CELSR1: variants seen among roughly 807,000 people sequenced by gnomAD.
The protein encoded by CELSR1 is adhesion G protein-coupled receptor C1.
CELSR1 carries 110 observed loss-of-function variants against 249.1 expected under a neutral mutation model. The ratio of observed to expected loss-of-function variants is 0.44; its 90% CI spans 0.38 to 0.52. CELSR1 has a LOEUF of 0.52. Ranked by LOEUF, CELSR1 falls within the 20% of genes least tolerant of loss-of-function variation. The pLI is 0.00. For missense variants in CELSR1, 4,109 were observed against 4,296.4 expected (o/e 0.96, Z 1.22); for synonymous variants, 2,113 against 1,900.0 (o/e 1.11, Z -2.92).
chr22:46,483,198 G>A (rs1194724933), intron 1 of CELSR1, among the ~76,000 whole-genome samples: 3 of 152,086 alleles, frequency 2.0e-5, no homozygotes, highest in South Asian at 2.1e-4. Context: ...ACACACTATC[G>A]TAAAGGGGAA....
At chr22:46,439,096 A>ATCAACG in intron 3 of CELSR1, 93 bp downstream of exon 3, 1 of 1,224,394 alleles carries the variant, frequency 8.2e-7, no homozygotes, top group Non-Finnish European at 1.2e-6. Context: ...CACGGAGGAC[A>ATCAACG]TCAACGTCAC....
chr22:46,515,775 G>A (rs1294310853), intron 1 of CELSR1, among the ~76,000 whole-genome samples: 5 of 152,174 alleles, frequency 3.3e-5, no homozygotes, highest in Admixed American at 2.0e-4. Flanking sequence ...AGGCAGCCCC[G>A]GCAGGAGGAT....
chr22:46,367,495 G>A (rs760686662), intron 28 of CELSR1, among the ~76,000 whole-genome samples: 29 of 152,328 alleles, frequency 1.9e-4, no homozygotes, highest in Non-Finnish European at 2.6e-4. Flanking sequence ...GGAGACACAA[G>A]TGGACTTGTG....
intron 1 of CELSR1, among the ~76,000 whole-genome samples, chr22:46,465,903 C>T (rs1215643025): frequency 6.6e-6 from 1 of 152,250 alleles, no homozygotes; most frequent in Non-Finnish European, 1.5e-5. Context: ...AGTAACGACA[C>T]TCGGGTCATG....
chr22:46,501,371 A>G (rs1182038512), intron 1 of CELSR1, among the ~76,000 whole-genome samples: 1 of 151,890 alleles, frequency 6.6e-6, no homozygotes, highest in East Asian at 1.9e-4. Flanking sequence ...ACGCCGGGCT[A>G]ATTTTTGTAT....
intron 1 of CELSR1, among the ~76,000 whole-genome samples, chr22:46,530,062 C>G (rs2074163210): frequency 1.3e-5 from 2 of 151,892 alleles, no homozygotes; most frequent in Admixed American, 6.6e-5. Flanking sequence ...ATAATTTCAG[C>G]ACTTTGGGAG....
In CELSR1 at chr22:46,374,772, A is replaced by T. The variant is rs530903060; in HGVS notation, c.7585-1715T>A. ...CGCACACTTCTCAGAGCCTTCCCAGACCAATGCGCGGATGAGAACGTGCCC... is the reference window on the plus strand; with the variant it reads ...CGCACACTTCTCAGAGCCTTCCCAGTCCAATGCGCGGATGAGAACGTGCCC... On this transcript the variant is annotated intron_variant, in intron 24 of 34. Transcript: ENST00000674500. The surrounding 1 kb of genome is among the most constrained non-coding windows in gnomAD (Gnocchi z 4.3). 2.0e-5 allele frequency among the ~76,000 whole-genome samples: 3 copies of T among 152,202 alleles called. No individual in the cohort carries two copies. The highest frequency in any genetic ancestry group is 4.1e-4 in the South Asian group (2 of 4,820).
chr22:46,512,259 G>A lies in CELSR1; in HGVS notation c.3544+21368C>T, dbSNP rs1185535928. Among the ~76,000 whole-genome samples, 1 of 150,032 alleles carries A rather than the reference G, an allele frequency of 6.7e-6. No homozygotes were observed. The highest frequency in any genetic ancestry group is 6.6e-5 in the Admixed American group (1 of 15,196). ...GACCAAGAAGCACTCAGGGACTGAG[G>A]TGTCAGCCCCCAAATCAAGGTCCAA... On this transcript the variant is annotated intron_variant, in intron 1 of 34. Transcript: ENST00000674500. This position sits in a 1 kb window ranked among gnomAD's most constrained non-coding sequence, Gnocchi z 5.2.
In CELSR1 at chr22:46,408,365, C is replaced by T. The variant is rs923825928; in HGVS notation, c.5226+631G>A. 1.3e-5 allele frequency among the ~76,000 whole-genome samples: 2 copies of T among 152,276 alleles called. No homozygotes were observed. Among genetic ancestry groups the T allele is most frequent in the Admixed American group, 1.3e-4 (2 of 15,302 alleles). On this transcript the variant is annotated intron_variant, in intron 9 of 34. Transcript: ENST00000674500. This position sits in a 1 kb window ranked among gnomAD's most constrained non-coding sequence, Gnocchi z 4.6. ...TGGCTTTTTGAGATGGAGTCTCTGT[C>T]TTGTCGTCCAGACTGGAGTGTGGTG...
chr22:46,422,724 G>A (rs557598134), intron 5 of CELSR1, among the ~76,000 whole-genome samples: 6 of 146,996 alleles, frequency 4.1e-5, no homozygotes, highest in South Asian at 4.2e-4. Flanking sequence ...CTGAGATCAC[G>A]CCACTGCACT....
chr22:46,404,149 C>G (rs888163867), intron 9 of CELSR1, among the ~76,000 whole-genome samples: 1 of 152,088 alleles, frequency 6.6e-6, no homozygotes, highest in African/African-American at 2.4e-5. Context: ...CGGTGGCTCA[C>G]ACCTGAAATA....
Position 46,381,883 on chromosome 22 carries a change from G to T in CELSR1, c.7051C>A (p.Leu2351Met). 6.4e-7 allele frequency: 1 copy of T among 1,573,958 alleles called. No homozygotes were observed. Residue 2351 changes from leucine to methionine, a missense_variant, in exon 21 of 35, where the codon CTG (leucine) becomes ATG (methionine). Coordinates refer to ENST00000674500, the MANE Select transcript of CELSR1 (RefSeq NM_001378328.1). This position sits in a 1 kb window ranked among gnomAD's most constrained non-coding sequence, Gnocchi z 6.0. The part of the protein sequence containing the change: ...VIIYRTLGQL[L>M]PERYDPDRRS... Reference sequence around the variant, plus strand: ...CGGTCGGGGTCGTAGCGCTCGGGCAGGAGCTGCCCCAGGGTGCGGTAAATG... The same window carrying T: ...CGGTCGGGGTCGTAGCGCTCGGGCATGAGCTGCCCCAGGGTGCGGTAAATG...
rs867941122 is a variant in CELSR1 at position 46,453,660 on chromosome 22, G to A, written c.4183+10047C>T. Among the ~76,000 whole-genome samples the A allele has an allele frequency of 1.2e-4, 19 of 152,318 alleles. No homozygotes were observed. The Middle Eastern group carries it at 0.01, about 82-fold the overall frequency. On this transcript the variant is annotated intron_variant, in intron 2 of 34. Coordinates refer to ENST00000674500, the MANE Select transcript of CELSR1 (RefSeq NM_001378328.1). The stretch of plus-strand genomic sequence containing the variant: ...TTGAAAGTGCTGACCGGAAGCGGGT[G>A]AGAGAGCAGAGAACACTCGCCCCCG...
chr22:46,481,572 G>T, intron 1 of CELSR1: 1 of 963,164 alleles, frequency 1.0e-6, no homozygotes, highest in South Asian at 1.4e-5. Flanking sequence ...GAGGCACATG[G>T]TGGCACTCGA....
At chr22:46,496,499 C>T (rs923406817) in intron 1 of CELSR1, among the ~76,000 whole-genome samples, 1 of 151,458 alleles carries the variant, frequency 6.6e-6, no homozygotes, top group Non-Finnish European at 1.5e-5. Flanking sequence ...GCCCAGGAGA[C>T]GGAGGTTGCA....
At chr22:46,515,871 T>C (rs908225254) in intron 1 of CELSR1, among the ~76,000 whole-genome samples, 3 of 152,174 alleles carry the variant, frequency 2.0e-5, no homozygotes, top group Non-Finnish European at 4.4e-5. Context: ...AAAGTAGGAA[T>C]GAGTTCAGAG....
At chr22:46,495,657 G>A (rs1044099975) in intron 1 of CELSR1, among the ~76,000 whole-genome samples, 5 of 151,786 alleles carry the variant, frequency 3.3e-5, no homozygotes, top group African/African-American at 1.2e-4. Context: ...CTAACATGAC[G>A]AAACCCTGTT....
chr22:46,505,529 G>A (rs2080506963), intron 1 of CELSR1, among the ~76,000 whole-genome samples: 1 of 152,096 alleles, frequency 6.6e-6, no homozygotes, highest in South Asian at 2.1e-4. Context: ...GCTGAGGTGG[G>A]AGGACTGCTT....
chr22:46,485,297 G>C (rs1172500536), intron 1 of CELSR1, among the ~76,000 whole-genome samples: 1 of 152,126 alleles, frequency 6.6e-6, no homozygotes, highest in African/African-American at 2.4e-5. Context: ...CCTCACATTG[G>C]GTTCTGCTGG....
Sources: gnomAD v4.1 joint callset for allele counts (sites outside exome capture counted in the v4.1 genomes callset) on GRCh38, gnomAD v4.1.1 for gene constraint, Gnocchi (gnomAD v3.1) non-coding constraint, MANE v1.5 for transcripts, NCBI Gene and HGNC (gene_info 2026-07-23, HGNC 2026-07-21) for gene names.